The following SPAG16 variants were observed in gnomAD, a reference collection of about 807,000 sequenced individuals.
SPAG16 encodes the protein sperm associated antigen 16.
A neutral mutation model predicts 80.4 loss-of-function variants in SPAG16; 86 were observed. That is an observed-to-expected ratio of 1.07 (90% confidence interval 0.90 to 1.28). The LOEUF (loss-of-function observed/expected upper bound fraction) is 1.28, where lower values mean the gene tolerates loss of function less well. SPAG16 is among the 50% of genes most tolerant of loss of function. The pLI is 0.00. For synonymous variants in SPAG16, 294 were observed against 265.9 expected (o/e 1.11, Z -1.03); for missense variants, 870 against 765.3 (o/e 1.14, Z -1.61).
In SPAG16 at chr2:213,551,239, C is replaced by G. The variant is rs372281190; in HGVS notation, c.1070+61149C>G. Among the ~76,000 whole-genome samples, 24 of 152,260 alleles carry G rather than the reference C, an allele frequency of 1.6e-4. No homozygotes were observed. The East Asian group carries it at 3.9e-3, about 24-fold the overall frequency. Reference sequence around the variant, plus strand: ...AGAAATCATTCAGAAGGCTTTTCTCCCAACTTTTGGACCAAGTAGTCTGGA... The same window carrying G: ...AGAAATCATTCAGAAGGCTTTTCTCGCAACTTTTGGACCAAGTAGTCTGGA... On this transcript the variant is annotated intron_variant, in intron 10 of 15. Transcript: ENST00000331683.
Position 213,659,071 on chromosome 2 carries a change from G to A in SPAG16, c.1070+168981G>A, listed in dbSNP as rs111325206. Among the ~76,000 whole-genome samples the A allele has an allele frequency of 9.3e-4, 142 of 152,222 alleles. 1 individual carries two copies. Among genetic ancestry groups the A allele is most frequent in the Middle Eastern group, 3.4e-3 (1 of 294 alleles). On this transcript the variant is annotated intron_variant, in intron 10 of 15. Coordinates refer to ENST00000331683, the MANE Select transcript of SPAG16 (RefSeq NM_024532.5). Reference sequence around the variant, plus strand: ...AAAACACAACACTAATAGCCACTCTGTTGTGTAATGTTCTAAATGACATTT... The same window carrying A: ...AAAACACAACACTAATAGCCACTCTATTGTGTAATGTTCTAAATGACATTT...
intron 8 of SPAG16, among the ~76,000 whole-genome samples, chr2:213,368,246 G>T (rs2066427784): frequency 6.6e-6 from 1 of 152,090 alleles, no homozygotes; most frequent in Non-Finnish European, 1.5e-5. Context: ...TGTTCTTTTT[G>T]CTTAGGATTG....
At chr2:213,730,067 C>A (rs759407027) in intron 10 of SPAG16, among the ~76,000 whole-genome samples, 11 of 152,328 alleles carry the variant, frequency 7.2e-5, no homozygotes, top group South Asian at 4.1e-4. Context: ...TGGTTCCTTG[C>A]AATTACCTCA....
At chr2:214,187,625 A>G (rs2057520474) in intron 15 of SPAG16, among the ~76,000 whole-genome samples, 1 of 152,114 alleles carries the variant, frequency 6.6e-6, no homozygotes, top group African/African-American at 2.4e-5. Flanking sequence ...CCACTGTAGC[A>G]GAAGACAGCA....
chr2:214,092,690 T>G (rs1482740249), intron 13 of SPAG16, among the ~76,000 whole-genome samples: 2 of 152,078 alleles, frequency 1.3e-5, no homozygotes, highest in Admixed American at 1.3e-4. Flanking sequence ...ACTTATTGCC[T>G]GTCAGCTTCA....
chr2:213,370,503 A>C (rs948452614), intron 8 of SPAG16, among the ~76,000 whole-genome samples: 2 of 152,286 alleles, frequency 1.3e-5, no homozygotes, highest in Admixed American at 6.5e-5. Flanking sequence ...ATAAATATTA[A>C]ATGATGGTTT....
intron 10 of SPAG16, among the ~76,000 whole-genome samples, chr2:213,842,214 G>C (rs531506232): frequency 6.6e-5 from 10 of 152,178 alleles, no homozygotes; most frequent in South Asian, 2.1e-4. Flanking sequence ...GCATCTACTG[G>C]ATTAGTAATA....
chr2:214,030,823 G>C (rs897127468), intron 13 of SPAG16, among the ~76,000 whole-genome samples: 1 of 152,154 alleles, frequency 6.6e-6, no homozygotes, highest in African/African-American at 2.4e-5. Flanking sequence ...GTTTTCATCT[G>C]CATCTCTCTG....
At chr2:214,078,463 G>A (rs1407801150) in intron 13 of SPAG16, among the ~76,000 whole-genome samples, 2 of 149,508 alleles carry the variant, frequency 1.3e-5, no homozygotes, top group South Asian at 2.1e-4. Flanking sequence ...GGGTGAGGTG[G>A]AAGGATTTCT....
chr2:214,084,501 G>C (rs370357583), intron 13 of SPAG16, among the ~76,000 whole-genome samples: 4 of 151,984 alleles, frequency 2.6e-5, no homozygotes, highest in East Asian at 3.9e-4. Context: ...GAATCATAAA[G>C]AGCCTATCAA....
intron 15 of SPAG16, among the ~76,000 whole-genome samples, chr2:214,245,242 T>C (rs751185592): frequency 2.2e-4 from 34 of 152,174 alleles, no homozygotes; most frequent in Non-Finnish European, 1.9e-4. Flanking sequence ...GTAGATGCTT[T>C]TAATATCCAC....
At chr2:214,053,993 C>T (rs1485379377) in intron 13 of SPAG16, among the ~76,000 whole-genome samples, 1 of 152,096 alleles carries the variant, frequency 6.6e-6, no homozygotes, top group Non-Finnish European at 1.5e-5. Context: ...CACTCACCCC[C>T]ACTCCCTTTT....
intron 9 of SPAG16, among the ~76,000 whole-genome samples, chr2:213,481,366 A>C (rs189828480): frequency 6.6e-6 from 1 of 151,962 alleles, no homozygotes; most frequent in Non-Finnish European, 1.5e-5. Context: ...ATACGTTTTT[A>C]TTGATAAATG....
At chr2:213,442,178 A>G (rs1032382249) in intron 9 of SPAG16, among the ~76,000 whole-genome samples, 1 of 152,202 alleles carries the variant, frequency 6.6e-6, no homozygotes, top group Admixed American at 6.5e-5. Context: ...CCACTATATC[A>G]TTTAGATTGG....
intron 10 of SPAG16, among the ~76,000 whole-genome samples, chr2:213,627,002 A>C (rs1392624264): frequency 6.6e-6 from 1 of 152,168 alleles, no homozygotes; most frequent in African/African-American, 2.4e-5. Flanking sequence ...CAAAAGTCAC[A>C]CTGATCTCTG....
intron 10 of SPAG16, among the ~76,000 whole-genome samples, chr2:213,769,045 G>T (rs1339420851): frequency 1.3e-5 from 2 of 152,114 alleles, no homozygotes; most frequent in African/African-American, 4.8e-5. Flanking sequence ...TAAAAAGGGT[G>T]AGGTCAGGTA....
intron 9 of SPAG16, among the ~76,000 whole-genome samples, chr2:213,436,204 G>GT (rs1381716495): frequency 6.6e-6 from 1 of 152,170 alleles, no homozygotes; most frequent in Non-Finnish European, 1.5e-5. Context: ...TCCGTGGTGT[G>GT]TAGGATGTAA....
chr2:214,349,816 A>G (rs1373186158), intron 15 of SPAG16, among the ~76,000 whole-genome samples: 1 of 152,110 alleles, frequency 6.6e-6, no homozygotes, highest in Non-Finnish European at 1.5e-5. Flanking sequence ...TTTAATTTGC[A>G]TTTATTTTAT....
At chr2:213,729,017 G>A (rs1253098379) in intron 10 of SPAG16, among the ~76,000 whole-genome samples, 1 of 151,530 alleles carries the variant, frequency 6.6e-6, no homozygotes, top group African/African-American at 2.4e-5. Flanking sequence ...TTTTTTGATG[G>A]GGATAGTAAC....
Sources: gnomAD v4.1 joint callset for allele counts (sites outside exome capture counted in the v4.1 genomes callset) on GRCh38, gnomAD v4.1.1 for gene constraint, MANE v1.5 for transcripts, NCBI Gene and HGNC (gene_info 2026-07-23, HGNC 2026-07-21) for gene names.